The following ABCB1 variants were observed in gnomAD, a reference collection of about 807,000 sequenced individuals.
ABCB1 encodes ATP binding cassette subfamily B member 1, also known as ATP-dependent translocase ABCB1.
ABCB1 carries 69 observed loss-of-function variants against 142.0 expected under a neutral mutation model. The observed-to-expected ratio is 0.49, with a 90% CI of 0.40 to 0.59. ABCB1 has a LOEUF of 0.59. ABCB1 is among the 20% of genes least tolerant of loss of function. The pLI is 0.00. For missense variants in ABCB1, 1,326 were observed against 1,554.7 expected (o/e 0.85, Z 2.47); for synonymous variants, 532 against 539.2 (o/e 0.99, Z 0.18).
rs201316099 is a variant in ABCB1 at position 87,520,786 on chromosome 7, C to T, written c.2776G>A (p.Val926Ile). Residue 926 changes from valine (V) to isoleucine (I), a missense_variant, in exon 22 of 28, where the codon GTA becomes ATA. By Grantham distance (29) the Val-to-Ile change is conservative. Coordinates refer to ENST00000622132, the MANE Select transcript of ABCB1 (RefSeq NM_001348946.2). ...FEHMYAQSLQ[V>I]PYRNSLRKAH... ...TTCAGCGGTTATTACCTGTATGGTA[C>T]CTGCAAACTCTGAGCATACATATGT... The T allele has an allele frequency of 1.7e-4, 276 of 1,613,478 alleles. No homozygotes were observed. The highest frequency in any genetic ancestry group is 1.9e-4 in the Non-Finnish European group (225 of 1,179,618).
chr7:87,681,451 C>A (rs914076712), intron 1 of ABCB1, among the ~76,000 whole-genome samples: 2 of 150,630 alleles, frequency 1.3e-5, no homozygotes, highest in Non-Finnish European at 2.9e-5. Flanking sequence ...TGCTATAAAG[C>A]AAGTCACAAA....
At chr7:87,702,514 G>A (rs191649210) in intron 1 of ABCB1, among the ~76,000 whole-genome samples, 100 of 152,068 alleles carry the variant, frequency 6.6e-4, no homozygotes, top group Admixed American at 1.7e-3. Flanking sequence ...TCCTGGCTTC[G>A]AGCAGTCTTT....
chr7:87,709,040 G>A (rs1829847896), intron 1 of ABCB1, among the ~76,000 whole-genome samples: 1 of 151,902 alleles, frequency 6.6e-6, no homozygotes, highest in Admixed American at 6.6e-5. Flanking sequence ...ATCTTTATAA[G>A]TCTGTTTGTC....
At chr7:87,546,514 C>G (rs1338240779) in intron 14 of ABCB1, among the ~76,000 whole-genome samples, 1 of 151,528 alleles carries the variant, frequency 6.6e-6, no homozygotes, top group African/African-American at 2.4e-5. Context: ...CAAGATCGCA[C>G]CACTGCACTC....
chr7:87,673,778 G>A (rs1335385703), intron 1 of ABCB1, among the ~76,000 whole-genome samples: 1 of 152,206 alleles, frequency 6.6e-6, no homozygotes, highest in Non-Finnish European at 1.5e-5. Context: ...GAGGTAATAA[G>A]ACACTCTGGC....
intron 14 of ABCB1, among the ~76,000 whole-genome samples, chr7:87,547,748 T>C (rs983409112): frequency 1.4e-5 from 2 of 145,690 alleles, no homozygotes; most frequent in Non-Finnish European, 3.0e-5. Context: ...TGCATGCCTG[T>C]AATCCTAGCT....
chr7:87,693,893 A>T lies in ABCB1; in HGVS notation c.-331+19268T>A, dbSNP rs903933905. 1.4e-6 allele frequency: 2 copies of T among 1,462,362 alleles called. No individual in the cohort carries two copies. Among genetic ancestry groups the T allele is most frequent in the Non-Finnish European group, 1.9e-6 (2 of 1,071,434 alleles). The allele number at this position is 1,462,362 out of a possible 1,614,324, so 90.6% of individuals were successfully genotyped here. A position where few individuals can be genotyped will look rare whatever the true frequency, so the allele number is the denominator to read the frequency against. On this transcript the variant is annotated intron_variant, in intron 1 of 28. Transcript: ENST00000265724. ...TAAATATCTGTGTGTTGTTGTTGTT[A>T]TTTTTTTTTTAAAGAGATTTCCCAA...
chr7:87,517,774 G>T, intron 23 of ABCB1, among the ~76,000 whole-genome samples: 1 of 152,150 alleles, frequency 6.6e-6, no homozygotes, highest in Non-Finnish European at 1.5e-5. Context: ...TATGACATGG[G>T]AATCACAGCA....
intron 8 of ABCB1, among the ~76,000 whole-genome samples, chr7:87,555,115 A>C (rs1401813387): frequency 6.6e-6 from 1 of 152,210 alleles, no homozygotes; most frequent in African/African-American, 2.4e-5. Context: ...AACAGAGAAG[A>C]CTACTCTGTT....
At chr7:87,547,155 C>T (rs970465136) in intron 14 of ABCB1, among the ~76,000 whole-genome samples, 11 of 152,120 alleles carry the variant, frequency 7.2e-5, no homozygotes, top group African/African-American at 2.7e-4. Context: ...TAATAACTAG[C>T]AATACAATTC....
At chr7:87,706,966 G>A (rs1208883688) in intron 1 of ABCB1, among the ~76,000 whole-genome samples, 1 of 152,146 alleles carries the variant, frequency 6.6e-6, no homozygotes, top group Non-Finnish European at 1.5e-5. Context: ...AGGTGAAGGG[G>A]AACTGTAAAC....
intron 19 of ABCB1, among the ~76,000 whole-genome samples, chr7:87,537,807 A>T (rs1446654854): frequency 6.6e-6 from 1 of 152,244 alleles, no homozygotes; most frequent in Non-Finnish European, 1.5e-5. Flanking sequence ...TTAAATACAC[A>T]GATACTAACA....
At chr7:87,628,580 CGTGCGTGTGT>C (rs768193935) in intron 1 of ABCB1, 56 of 292,804 alleles carry the variant, frequency 1.9e-4, no homozygotes, top group Middle Eastern at 1.7e-3. Flanking sequence ...GTGGTGCGTG[CGTGCGTGTGT>C]GTGTGTGTGT....
At chr7:87,703,914 G>GTTTTTTTTTTTTT (rs35797972) in intron 1 of ABCB1, among the ~76,000 whole-genome samples, 119 of 42,992 alleles carry the variant, frequency 2.8e-3, no homozygotes, top group Admixed American at 3.9e-3. Flanking sequence ...TTTTTTTTTG[G>GTTTTTTTTTTTTT]TTTTTTTTTT....
chr7:87,561,150 T>G (rs1233240788), intron 8 of ABCB1, 113 bp downstream of exon 8: 1 of 1,278,256 alleles, frequency 7.8e-7, no homozygotes. Flanking sequence ...CATTAAGCTA[T>G]TTAAGAAAAC....
At chr7:87,542,458 T>C (rs1442320407) in intron 17 of ABCB1, among the ~76,000 whole-genome samples, 1 of 152,178 alleles carries the variant, frequency 6.6e-6, no homozygotes, top group East Asian at 1.9e-4. Context: ...GACTCAAGGA[T>C]ATAAATCCAG....
chr7:87,557,266 C>G (rs1183042604), intron 8 of ABCB1, among the ~76,000 whole-genome samples: 1 of 152,034 alleles, frequency 6.6e-6, no homozygotes, highest in East Asian at 1.9e-4. Flanking sequence ...TGATTCACAG[C>G]TGAAAACCTA....
intron 1 of ABCB1, among the ~76,000 whole-genome samples, chr7:87,670,706 G>A (rs1825740320): frequency 6.6e-6 from 1 of 152,192 alleles, no homozygotes; most frequent in South Asian, 2.1e-4. Context: ...ATTTGAAGCT[G>A]ACTTCTTGAC....
Position 87,585,652 on chromosome 7 carries a change from A to G in ABCB1, c.146T>C (p.Leu49Ser), listed in dbSNP as rs202240722. The G allele has an allele frequency of 3.1e-6, 5 of 1,613,972 alleles. No individual in the cohort carries two copies. Among genetic ancestry groups the G allele is most frequent in the Non-Finnish European group, 3.4e-6 (4 of 1,179,910 alleles). Residue 49 changes from leucine (L) to serine (S), a missense_variant, in exon 4 of 28, where the codon TTG (leucine) becomes TCG (serine). By Grantham distance (145) the Leu-to-Ser change is moderately radical. Coordinates refer to ENST00000622132, the MANE Select transcript of ABCB1 (RefSeq NM_001348946.2). ...MFRYSNWLDKLYMVVGTLAAI... is the reference protein window; with the variant it reads ...MFRYSNWLDKSYMVVGTLAAI... ...AGCCAAAGTTCCCACCACCATATAC[A>G]ACTTGTCAAGCCAATTTGAATAGCG...
Sources: gnomAD v4.1 joint callset for allele counts (sites outside exome capture counted in the v4.1 genomes callset) on GRCh38, gnomAD v4.1.1 for gene constraint, MANE v1.5 for transcripts, NCBI Gene and HGNC (gene_info 2026-07-23, HGNC 2026-07-21) for gene names.